COX11: variants seen among roughly 807,000 people sequenced by gnomAD.
COX11 encodes cytochrome c oxidase copper chaperone COX11, also known as cytochrome c oxidase assembly protein COX11, mitochondrial.
In COX11, 18 loss-of-function variants were observed where a neutral mutation model predicts 29.4. The observed-to-expected ratio is 0.61, with a 90% CI of 0.42 to 0.91. The LOEUF (loss-of-function observed/expected upper bound fraction) is 0.91. Among genes scored for constraint, COX11 ranks in the 40% least tolerant of loss-of-function variants. The pLI is 0.00. For missense variants in COX11, 312 were observed against 346.0 expected (o/e 0.90, Z 0.78); for synonymous variants, 131 against 124.0 (o/e 1.06, Z -0.38).
exon 1 of COX11, chr17:54,955,055 C>T (rs1258143284): frequency 1.3e-5 from 2 of 152,110 alleles, no homozygotes; most frequent in South Asian, 2.1e-4. Context: ...CTTCCAAGAC[C>T]TAGTTCACGA....
At chr17:54,964,210 C>T (rs745625965) in intron 2 of COX11, among the ~76,000 whole-genome samples, 1 of 152,140 alleles carries the variant, frequency 6.6e-6, no homozygotes, top group Non-Finnish European at 1.5e-5. Context: ...CTCAGTCTCA[C>T]TGGAGTATAA....
downstream of COX11, among the ~76,000 whole-genome samples, chr17:54,960,116 A>G (rs1002700056): frequency 2.0e-5 from 3 of 152,146 alleles, no homozygotes; most frequent in Admixed American, 1.3e-4. Flanking sequence ...TAATCCCAGC[A>G]CTTTGGGAGG....
At position 54,962,578 on chromosome 17, in the gene COX11, G is replaced by C; in HGVS notation, c.*155C>G. The stretch of plus-strand genomic sequence containing the variant: ...GTTTCTTATGATAAAAGCTGAACTT[G>C]TTCTCTCAAGTTTAAGTGAAAAAAA... On this transcript the variant is annotated 3_prime_UTR_variant, in exon 4 of 4. Transcript: ENST00000299335. The C allele has an allele frequency of 7.4e-7, 1 of 1,342,632 alleles. No individual in the cohort carries two copies. The highest frequency in any genetic ancestry group is 9.5e-7 in the Non-Finnish European group (1 of 1,047,700). 83.2% of individuals were successfully genotyped at this position (1,342,632 alleles called of 1,614,324 possible). A position where few individuals can be genotyped will look rare whatever the true frequency, so the allele number is the denominator to read the frequency against.
At chr17:54,952,727 C>T (rs1408455766) in exon 1 of COX11, 2 of 152,086 alleles carry the variant, frequency 1.3e-5, no homozygotes, top group East Asian at 3.9e-4. Context: ...CAGTCTAATG[C>T]TATACAATTA....
chr17:54,961,258 T>TC lies in COX11; in HGVS notation c.*1474_*1475insG. On this transcript the variant is annotated 3_prime_UTR_variant, in exon 4 of 4. Transcript: ENST00000299335. ...AGAAGAAAGTGGATGATCAGCTCAC[T>TC]ACCACATCAAAGGTGCCAACTCTCT... 1 of 1,550,368 alleles carries TC rather than the reference T, an allele frequency of 6.5e-7. No individual in the cohort carries two copies. Among genetic ancestry groups the TC allele is most frequent in the Non-Finnish European group, 8.7e-7 (1 of 1,145,798 alleles).
chr17:54,956,798 G>C (rs892592732), downstream of COX11: 15 of 152,276 alleles, frequency 9.9e-5, no homozygotes, highest in African/African-American at 3.4e-4. Context: ...TAAAGCACCG[G>C]GCATAGTCTC....
rs2077117793 is a variant in COX11 at position 54,961,277 on chromosome 17, A to G, written c.*1456T>C. 3 of 1,551,492 alleles carry G rather than the reference A, an allele frequency of 1.9e-6. No homozygotes were observed. The highest frequency in any genetic ancestry group is 2.4e-5 in the East Asian group (1 of 40,910). ...GCTCACTACCACATCAAAGGTGCCA[A>G]CTCTCTAAAACGTAGACTCTGTGCA... On this transcript the variant is annotated 3_prime_UTR_variant, in exon 4 of 4. Coordinates refer to ENST00000299335, the MANE Select transcript of COX11 (RefSeq NM_004375.5).
upstream of COX11, chr17:54,955,263 CAGG>C (rs1220194537): frequency 6.6e-6 from 1 of 152,196 alleles, no homozygotes; most frequent in African/African-American, 2.4e-5. Context: ...GGCAGCCTCC[CAGG>C]AGATCTCATG....
downstream of COX11, among the ~76,000 whole-genome samples, chr17:54,960,230 T>C (rs1277951896): frequency 6.6e-6 from 1 of 152,016 alleles, no homozygotes; most frequent in Non-Finnish European, 1.5e-5. Flanking sequence ...CTGGGCATGG[T>C]TGTGTGTCCC....
chr17:54,956,548 A>G (rs1265566702), downstream of COX11, among the ~76,000 whole-genome samples: 1 of 152,104 alleles, frequency 6.6e-6, no homozygotes, highest in African/African-American at 2.4e-5. Flanking sequence ...TCTCAAGTTC[A>G]TCTACCCACC....
rs775330426 is a variant in COX11 at position 54,968,576 on chromosome 17, G to C, written c.71C>G (p.Ser24Cys). 12 of 1,612,840 alleles carry C rather than the reference G, an allele frequency of 7.4e-6. No homozygotes were observed. The highest frequency in any genetic ancestry group is 1.0e-5 in the Non-Finnish European group (12 of 1,179,998). Residue 24 changes from serine to cysteine, a missense_variant, in exon 1 of 4, where the codon TCT becomes TGT. Physicochemically the swap from Ser to Cys is moderately radical, Grantham distance 112. Around this residue, in one of 2 missense-constraint regions of COX11, gnomAD observed 130 missense variants for 106.0 expected, o/e 1.23. Coordinates refer to ENST00000299335, the MANE Select transcript of COX11 (RefSeq NM_004375.5). ...FCGWRWIHPG[S>C]PTRAAERVEP... ...TACCCTCTCTGCAGCCCTGGTTGGA[G>C]ACCCAGGGTGGATCCAGCGCCAGCC...
Position 54,968,430 on chromosome 17 carries a change from G to A in COX11, c.217C>T (p.Arg73Trp). 1 of 1,613,456 alleles carries A rather than the reference G, an allele frequency of 6.2e-7. No homozygotes were observed. Among genetic ancestry groups the A allele is most frequent in the Non-Finnish European group, 8.5e-7 (1 of 1,180,002 alleles). The change falls in exon 1 of 4, where the codon CGG becomes TGG. Residue 73 changes from arginine to tryptophan, a missense_variant. This residue lies in a region of COX11 where 130 missense variants were observed against 106.0 expected (regional missense o/e 1.23). Transcript: ENST00000299335. ...GTGAAAGGGTTCGAGCTCTTAGGCC[G>A]CCGCGGCGGCTGCAATGCTGGATGC... ...ARHPALQPPR[R>W]PKSSNPFTRA...
intron 1 of COX11, 105 bp downstream of exon 1, chr17:54,968,176 A>G (rs1346695459): frequency 1.1e-5 from 16 of 1,500,806 alleles, no homozygotes; most frequent in Non-Finnish European, 1.4e-5. Flanking sequence ...TAATATCGGA[A>G]ACCTCTTCCA....
Position 54,963,041 on chromosome 17 carries a change from C to T in COX11, c.649-126G>A, listed in dbSNP as rs557091152. On this transcript the variant is annotated intron_variant, in intron 3 of 3. Coordinates refer to ENST00000299335, the MANE Select transcript of COX11 (RefSeq NM_004375.5). The stretch of plus-strand genomic sequence containing the variant: ...TTTAATAAGCATACTATTAAATACA[C>T]AGTTCTGTGATAAATTAAGAGCATC... The T allele has an allele frequency of 1.9e-4, 165 of 865,258 alleles. 3 individuals carry two copies. The South Asian group carries it at 2.9e-3, about 15-fold the overall frequency. The allele number at this position is 865,258 out of a possible 1,614,324, so 53.6% of individuals were successfully genotyped here. A position where few individuals can be genotyped will look rare whatever the true frequency, so the allele number is the denominator to read the frequency against.
intron 1 of COX11, among the ~76,000 whole-genome samples, chr17:54,966,533 T>C (rs11869638): frequency 0.29 from 44,703 of 152,038 alleles, 6,907 homozygotes; most frequent in African/African-American, 0.35. Flanking sequence ...TTTAGTAGCA[T>C]TCCTAGCCTC....
At chr17:54,957,301 T>C (rs777623089), downstream of COX11, 16 of 152,366 alleles carry the variant, frequency 1.1e-4, no homozygotes, top group Middle Eastern at 3.4e-3. Flanking sequence ...TATTTTTTCC[T>C]AACTCAGGTT....
downstream of COX11, among the ~76,000 whole-genome samples, chr17:54,958,991 GAT>G (rs1004695321): frequency 1.8e-4 from 28 of 151,956 alleles, no homozygotes; most frequent in African/African-American, 6.8e-4. Flanking sequence ...TACAAATGAA[GAT>G]AAACTTGAAG....
exon 1 of COX11, chr17:54,953,033 G>GT (rs2049314416): frequency 6.6e-6 from 1 of 152,162 alleles, no homozygotes; most frequent in Non-Finnish European, 1.5e-5. Flanking sequence ...TTCCTGGATA[G>GT]GGTCCACTTT....
At chr17:54,966,456 G>T (rs1849983794) in intron 1 of COX11, among the ~76,000 whole-genome samples, 1 of 152,174 alleles carries the variant, frequency 6.6e-6, no homozygotes, top group Admixed American at 6.5e-5. Flanking sequence ...CTCAATCTTA[G>T]AACTATGGAC....
Sources: allele counts gnomAD v4.1 joint callset (sites outside exome capture counted in the v4.1 genomes callset), GRCh38; gene constraint gnomAD v4.1.1; regional missense constraint gnomAD v4.1.1; transcripts MANE v1.5; gene names NCBI Gene and HGNC (gene_info 2026-07-23, HGNC 2026-07-21).